SAMMSON: variants seen among roughly 807,000 people sequenced by gnomAD.
SAMMSON encodes the protein long intergenic non-protein coding RNA 1212.
chr3:70,170,734 A>G (rs1345926163), intron 4 of SAMMSON, among the ~76,000 whole-genome samples: 3 of 151,796 alleles, frequency 2.0e-5, no homozygotes, highest in Non-Finnish European at 4.4e-5. Flanking sequence ...GATTCTCTAG[A>G]TATTATTTTC....
chr3:70,046,547 ATACT>A (rs1474889296), intron 3 of SAMMSON, among the ~76,000 whole-genome samples: 5 of 152,148 alleles, frequency 3.3e-5, no homozygotes, highest in African/African-American at 9.6e-5. Flanking sequence ...ATACAAATTA[ATACT>A]TACCTTGAAA....
At chr3:70,222,445 G>A (rs1338625743) in intron 4 of SAMMSON, among the ~76,000 whole-genome samples, 1 of 152,148 alleles carries the variant, frequency 6.6e-6, no homozygotes, top group Non-Finnish European at 1.5e-5. Flanking sequence ...TTATGGATTT[G>A]TTTGTGTCTA....
At chr3:70,034,750 A>T (rs1163076960) in intron 3 of SAMMSON, among the ~76,000 whole-genome samples, 1 of 152,134 alleles carries the variant, frequency 6.6e-6, no homozygotes, top group East Asian at 1.9e-4. Context: ...AGGCTGAGGC[A>T]GGTGAATTGC....
chr3:70,113,952 G>A (rs2067399900), intron 4 of SAMMSON, among the ~76,000 whole-genome samples: 1 of 152,178 alleles, frequency 6.6e-6, no homozygotes, highest in Non-Finnish European at 1.5e-5. Flanking sequence ...ATGGCACCTT[G>A]ATCTTGGACT....
At chr3:70,414,953 C>A (rs772204340) in intron 2 of SAMMSON, among the ~76,000 whole-genome samples, 1 of 151,696 alleles carries the variant, frequency 6.6e-6, no homozygotes, top group African/African-American at 2.4e-5. Context: ...ACTAAACAAC[C>A]GCAACTTTAT....
intron 4 of SAMMSON, among the ~76,000 whole-genome samples, chr3:70,245,670 TTTA>T (rs397875669): frequency 9.6e-6 from 1 of 104,132 alleles, no homozygotes; most frequent in Non-Finnish European, 1.8e-5. Context: ...TGCAAACTGC[TTTA>T]TATATATATA....
At chr3:70,291,212 C>T (rs1336693982) in exon 7 of SAMMSON, 1 of 152,162 alleles carries the variant, frequency 6.6e-6, no homozygotes, top group Non-Finnish European at 1.5e-5. Context: ...GGTTTGAAAT[C>T]AGCTCCTCCA....
intron 4 of SAMMSON, among the ~76,000 whole-genome samples, chr3:70,124,348 G>T (rs2067446731): frequency 6.6e-6 from 1 of 152,154 alleles, no homozygotes. Context: ...TTACAGGTGT[G>T]ACTAATCACA....
chr3:70,004,774 T>C (rs2066919401), intron 1 of SAMMSON, among the ~76,000 whole-genome samples: 1 of 149,702 alleles, frequency 6.7e-6, no homozygotes, highest in African/African-American at 2.5e-5. Flanking sequence ...GTTCAGATAA[T>C]GAGACATAAA....
intron 6 of SAMMSON, among the ~76,000 whole-genome samples, chr3:70,257,700 T>C (rs912986861): frequency 6.6e-6 from 1 of 152,200 alleles, no homozygotes; most frequent in African/African-American, 2.4e-5. Context: ...TATTCATGCA[T>C]CGGAAGACTC....
At chr3:70,375,403 T>G (rs1308623781) in intron 9 of SAMMSON, among the ~76,000 whole-genome samples, 1 of 30,304 alleles carries the variant, frequency 3.3e-5, no homozygotes, top group Non-Finnish European at 7.6e-5. Flanking sequence ...TTTTTTGTTG[T>G]TTTTTTTTTT....
At chr3:70,218,669 C>T (rs1701436074) in intron 4 of SAMMSON, among the ~76,000 whole-genome samples, 1 of 152,014 alleles carries the variant, frequency 6.6e-6, no homozygotes, top group African/African-American at 2.4e-5. Flanking sequence ...CAGAACTATT[C>T]CTGACAAGGA....
chr3:70,001,859 C>G (rs887373903), intron 1 of SAMMSON, among the ~76,000 whole-genome samples: 4 of 152,162 alleles, frequency 2.6e-5, no homozygotes, highest in Non-Finnish European at 5.9e-5. Context: ...ATACCTGATG[C>G]CCAGTGGTCT....
intron 7 of SAMMSON, among the ~76,000 whole-genome samples, chr3:70,335,830 G>C (rs1702656023): frequency 6.6e-6 from 1 of 151,864 alleles, no homozygotes; most frequent in Non-Finnish European, 1.5e-5. Context: ...CTCTTCAAAG[G>C]ATAGATTTGA....
At chr3:70,352,077 T>C (rs1481809180) in intron 7 of SAMMSON, among the ~76,000 whole-genome samples, 1 of 146,456 alleles carries the variant, frequency 6.8e-6, no homozygotes, top group African/African-American at 2.5e-5. Flanking sequence ...GAAAAAGTAG[T>C]CAAAGAAATA....
intron 3 of SAMMSON, among the ~76,000 whole-genome samples, chr3:70,043,741 T>C (rs1041784979): frequency 1.3e-5 from 2 of 152,124 alleles, no homozygotes; most frequent in Non-Finnish European, 2.9e-5. Context: ...TGTGTTGGTT[T>C]TAACAATTAG....
At chr3:70,125,904 T>C in intron 4 of SAMMSON, 1 of 698,606 alleles carries the variant, frequency 1.4e-6, no homozygotes, top group Non-Finnish European at 2.6e-6. Flanking sequence ...CACTAGATAA[T>C]TCCTCATCGT....
At chr3:70,250,907 G>A (rs1052227118) in intron 6 of SAMMSON, among the ~76,000 whole-genome samples, 2 of 152,018 alleles carry the variant, frequency 1.3e-5, no homozygotes, top group Admixed American at 6.6e-5. Flanking sequence ...ACATTTGGCT[G>A]AAAAAAATGG....
intron 6 of SAMMSON, among the ~76,000 whole-genome samples, chr3:70,276,578 C>A (rs1164737872): frequency 2.0e-5 from 3 of 152,164 alleles, no homozygotes; most frequent in Non-Finnish European, 4.4e-5. Flanking sequence ...TTGTGTTAGA[C>A]ACCTACCTGA....
Sources: gnomAD v4.1 joint callset for allele counts (sites outside exome capture counted in the v4.1 genomes callset) on GRCh38, gnomAD v4.1.1 for gene constraint, MANE v1.5 for transcripts, NCBI Gene and HGNC (gene_info 2026-07-23, HGNC 2026-07-21) for gene names.